Variants in TGFB3 observed in about 807,000 individuals in gnomAD.
The protein encoded by TGFB3 is transforming growth factor beta-3 proprotein.
Under a neutral mutation model 40.1 loss-of-function variants are expected in TGFB3, and 5 were observed. The observed-to-expected ratio is 0.12, with a 90% CI of 0.07 to 0.26. The LOEUF (loss-of-function observed/expected upper bound fraction) is 0.26, where lower values mean the gene tolerates loss of function less well. TGFB3 is among the 10% of genes least tolerant of loss of function. The pLI is 1.00. For missense variants in TGFB3, 373 were observed against 530.1 expected (o/e 0.70, Z 2.91); for synonymous variants, 184 against 205.6 (o/e 0.89, Z 0.90).
In TGFB3 at chr14:75,981,956, C is replaced by CCT. The variant is rs917254206; in HGVS notation, c.-1065_-1064dup. ...TCTCCCTCTCCCTCTCGCTCCTCTC[C>CCT]CTCTCTCTCTCACACACACACACAT... On this transcript the variant is annotated 5_prime_UTR_variant, in exon 1 of 7. It introduces an in-frame stop codon into an upstream open reading frame of the 5' UTR. Transcript: ENST00000238682. The surrounding 1 kb of genome is among the most constrained non-coding windows in gnomAD (Gnocchi z 4.7). 3.3e-5 allele frequency among the ~76,000 whole-genome samples: 5 copies of CCT among 151,372 alleles called. No homozygotes were observed. Among genetic ancestry groups the CCT allele is most frequent in the African/African-American group, 4.9e-5 (2 of 41,152 alleles).
chr14:75,968,702 A>G (rs1305087381), intron 3 of TGFB3, among the ~76,000 whole-genome samples: 2 of 152,162 alleles, frequency 1.3e-5, no homozygotes. Context: ...CTTCATGCTC[A>G]GTAGGAGGGA....
In TGFB3 at chr14:75,971,863, G is replaced by A. The variant is rs547125005; in HGVS notation, c.353-145C>T. 19 of 832,190 alleles carry A rather than the reference G, an allele frequency of 2.3e-5. No individual in the cohort carries two copies. The highest frequency in any genetic ancestry group is 1.7e-4 in the Admixed American group (8 of 46,110). 51.6% of individuals were successfully genotyped at this position (832,190 alleles called of 1,614,324 possible). A position where few individuals can be genotyped will look rare whatever the true frequency, so the allele number is the denominator to read the frequency against. ...GCCTCAGACCGCAAGGTGGAGATAC[G>A]AGGAAGATTCTTGGTGGCCCTAGAA... On this transcript the variant is annotated intron_variant, in intron 1 of 6. Coordinates refer to ENST00000238682, the MANE Select transcript of TGFB3 (RefSeq NM_003239.5). The surrounding 1 kb of genome is among the most constrained non-coding windows in gnomAD (Gnocchi z 4.5).
intron 1 of TGFB3, among the ~76,000 whole-genome samples, chr14:75,976,020 G>A (rs1409640263): frequency 2.6e-5 from 4 of 152,144 alleles, no homozygotes; most frequent in Admixed American, 6.5e-5. Flanking sequence ...TTTGTTTAAC[G>A]GGGCAAAACA....
At position 75,971,862 on chromosome 14, in the gene TGFB3, C is replaced by T. The variant is rs1310462474; in HGVS notation, c.353-144G>A. The T allele has an allele frequency of 2.4e-5, 20 of 833,906 alleles. No homozygotes were observed. Among genetic ancestry groups the T allele is most frequent in the Admixed American group, 4.3e-5 (2 of 46,084 alleles). The allele number at this position is 833,906 out of a possible 1,614,324, so 51.7% of individuals were successfully genotyped here. On this transcript the variant is annotated intron_variant, in intron 1 of 6. Coordinates refer to ENST00000238682, the MANE Select transcript of TGFB3 (RefSeq NM_003239.5). This position sits in a 1 kb window ranked among gnomAD's most constrained non-coding sequence, Gnocchi z 4.5. ...GGCCTCAGACCGCAAGGTGGAGATA[C>T]GAGGAAGATTCTTGGTGGCCCTAGA...
At chr14:75,962,158 A>T (rs1355899505) in intron 5 of TGFB3, among the ~76,000 whole-genome samples, 1 of 152,170 alleles carries the variant, frequency 6.6e-6, no homozygotes, top group Non-Finnish European at 1.5e-5. Context: ...CTTCGGTGGC[A>T]TCATTAAGCA....
intron 3 of TGFB3, among the ~76,000 whole-genome samples, chr14:75,967,028 G>A (rs2035229082): frequency 6.6e-6 from 1 of 152,210 alleles, no homozygotes; most frequent in African/African-American, 2.4e-5. Context: ...CACCATGTGT[G>A]TGAGCATCTG....
rs759234781 is a variant in TGFB3, at chr14:75,963,364, T to G, written c.878A>C (p.Gln293Pro). ...IPPHRLDNPG[Q>P]GGQRKKRALD... The stretch of plus-strand genomic sequence containing the variant: ...AGCCCGCTTCTTCCTCTGACCCCCC[T>G]GGCCCGGGTTGTCGAGCCGGTGTGG... Residue 293 changes from glutamine (Q) to proline (P), a missense_variant, in exon 5 of 7, where the codon CAG (glutamine) becomes CCG (proline). Transcript: ENST00000238682. 3.1e-6 allele frequency: 5 copies of G among 1,614,192 alleles called. No homozygotes were observed. The highest frequency in any genetic ancestry group is 3.4e-6 in the Non-Finnish European group (4 of 1,180,022).
chr14:75,977,190 T>G, intron 1 of TGFB3, among the ~76,000 whole-genome samples: 1 of 152,228 alleles, frequency 6.6e-6, no homozygotes, highest in East Asian at 1.9e-4. Flanking sequence ...ACTCTGGGTT[T>G]GCTGGTTGTC....
intron 3 of TGFB3, among the ~76,000 whole-genome samples, chr14:75,969,963 C>G (rs1352047905): frequency 6.6e-6 from 1 of 152,182 alleles, no homozygotes; most frequent in Non-Finnish European, 1.5e-5. Context: ...CGCCGTGGCT[C>G]CTAACTCATT....
chr14:75,978,611 T>G lies in TGFB3; in HGVS notation c.352+1931A>C, dbSNP rs2140252022. On this transcript the variant is annotated intron_variant, in intron 1 of 6. Transcript: ENST00000238682. The surrounding 1 kb of genome is among the most constrained non-coding windows in gnomAD (Gnocchi z 5.0). ...TGCCCCAGGCCAGACCATTGCTCCA[T>G]AACCCCACATCCACCCATCTGTTGC... 6.6e-6 allele frequency among the ~76,000 whole-genome samples: 1 copy of G among 152,352 alleles called. No individual in the cohort carries two copies. The highest frequency in any genetic ancestry group is 1.9e-4 in the East Asian group (1 of 5,190).
At position 75,960,959 on chromosome 14, in the gene TGFB3, G is replaced by A; in HGVS notation, c.1044C>T (p.Cys348=). Reference sequence around the variant, plus strand: ...TTGTGTCTGCACTGCGGAGGTATGGGCAAGGGCCTGAGCAGAAGTTGGCAT... The same window carrying A: ...TTGTGTCTGCACTGCGGAGGTATGGACAAGGGCCTGAGCAGAAGTTGGCAT... The part of the protein sequence containing the change: ...GYYANFCSGP[C]PYLRSADTTH... Residue 348 remains cysteine (C), a synonymous_variant, in exon 6 of 7, where the codon TGC becomes TGT. Coordinates refer to ENST00000238682, the MANE Select transcript of TGFB3 (RefSeq NM_003239.5). The A allele has an allele frequency of 1.9e-6, 3 of 1,614,242 alleles. No individual in the cohort carries two copies. In the African/African-American group the frequency reaches 4.0e-5, roughly 22 times the overall value.
rs770828281 is a variant in TGFB3 at position 75,980,923 on chromosome 14, C to T, written c.-30G>A. 4.0e-5 allele frequency: 64 copies of T among 1,605,020 alleles called. No homozygotes were observed. The highest frequency in any genetic ancestry group is 8.0e-5 in the African/African-American group (6 of 74,710). ...GAGCTGGGAAGAGAGGCCAGGGGGA[C>T]GGCAAGGCCTGGAGAGGAAGAGACC... On this transcript the variant is annotated 5_prime_UTR_variant, in exon 1 of 7. Transcript: ENST00000238682. The surrounding 1 kb of genome is among the most constrained non-coding windows in gnomAD (Gnocchi z 4.3).
At position 75,975,202 on chromosome 14, in the gene TGFB3, T is replaced by TAA. The variant is rs1383155263; in HGVS notation, c.353-3485_353-3484insTT. On this transcript the variant is annotated intron_variant, in intron 1 of 6. Transcript: ENST00000238682. ...GGCCAACATGGCAAAACCCCATCTC[T>TAA]ACTCCAAATACAAAAATTAGCTGGG... Among the ~76,000 whole-genome samples the TAA allele has an allele frequency of 3.3e-5, 5 of 152,040 alleles. No homozygotes were observed. The South Asian group carries it at 1.0e-3, about 32-fold the overall frequency.
intron 3 of TGFB3, 171 bp downstream of exon 3, chr14:75,970,955 G>A (rs1401209265): frequency 2.2e-6 from 2 of 926,850 alleles, no homozygotes; most frequent in Non-Finnish European, 3.4e-6. Context: ...GTCTTACAGT[G>A]AGCATTTAAT....
Position 75,981,276 on chromosome 14 carries a change from CT to C in TGFB3, c.-384del. On this transcript the variant is annotated 5_prime_UTR_variant, in exon 1 of 7. Coordinates refer to ENST00000238682, the MANE Select transcript of TGFB3 (RefSeq NM_003239.5). This position sits in a 1 kb window ranked among gnomAD's most constrained non-coding sequence, Gnocchi z 4.7. ...AGGTAAAAATAAATAGAGTGGATAT[CT>C]GATATTGCCAAACGCCGCTTGGCGA... 1 of 291,270 alleles carries C rather than the reference CT, an allele frequency of 3.4e-6. No individual in the cohort carries two copies. The highest frequency in any genetic ancestry group is 6.6e-6 in the Non-Finnish European group (1 of 151,026). 18.0% of individuals were successfully genotyped at this position (291,270 alleles called of 1,614,324 possible).
At chr14:75,982,649 C>G (rs990930219), upstream of TGFB3, 2 of 75,272 alleles carry the variant, frequency 2.7e-5, no homozygotes, top group East Asian at 7.4e-4. The surrounding 1 kb of genome is among the most constrained non-coding windows in gnomAD (Gnocchi z 4.0). Flanking sequence ...CTCGGCTGGT[C>G]GGGAGCCGGG....
At chr14:75,968,186 T>C (rs2035243910) in intron 3 of TGFB3, among the ~76,000 whole-genome samples, 1 of 152,122 alleles carries the variant, frequency 6.6e-6, no homozygotes, top group South Asian at 2.1e-4. Context: ...CAAGACCACA[T>C]GTGTGACTCA....
In TGFB3 at chr14:75,971,297, G is replaced by T; in HGVS notation, c.517-42C>A. On this transcript the variant is annotated intron_variant, in intron 2 of 6. Coordinates refer to ENST00000238682, the MANE Select transcript of TGFB3 (RefSeq NM_003239.5). This position sits in a 1 kb window ranked among gnomAD's most constrained non-coding sequence, Gnocchi z 4.5. The stretch of plus-strand genomic sequence containing the variant: ...GGAGTGAGTACCCGAGACCAGGACA[G>T]AGTGCCCCAGAAGATGTCACAATGC... 6.2e-7 allele frequency: 1 copy of T among 1,613,550 alleles called. No homozygotes were observed. The highest frequency in any genetic ancestry group is 1.1e-5 in the South Asian group (1 of 90,868).
intron 6 of TGFB3, 71 bp from the exon 7 acceptor site, chr14:75,959,416 T>C: frequency 6.3e-7 from 1 of 1,588,594 alleles, no homozygotes; most frequent in Admixed American, 1.7e-5. Flanking sequence ...AGTCGCCCAG[T>C]TCCAGGGGCA....
Sources: allele counts gnomAD v4.1 joint callset (sites outside exome capture counted in the v4.1 genomes callset), GRCh38; gene constraint gnomAD v4.1.1; non-coding constraint Gnocchi (gnomAD v3.1); transcripts MANE v1.5; gene names NCBI Gene and HGNC (gene_info 2026-07-23, HGNC 2026-07-21).